FMN1: variants seen among roughly 807,000 people sequenced by gnomAD.
FMN1 encodes the protein formin 1.
Under a neutral mutation model 132.4 loss-of-function variants are expected in FMN1, and 110 were observed. The observed-to-expected ratio is 0.83, with a 90% CI of 0.71 to 0.97. The LOEUF (loss-of-function observed/expected upper bound fraction) is 0.97, where lower values mean the gene tolerates loss of function less well. Ranked by LOEUF, FMN1 falls within the 50% of genes least tolerant of loss-of-function variation. The pLI is 0.00. For missense variants in FMN1, 1,792 were observed against 1,705.3 expected, an observed-to-expected ratio of 1.05 and a Z score of -0.90; for synonymous variants, 722 against 651.7, an observed-to-expected ratio of 1.11 and a Z score of -1.64.
In FMN1 at chr15:33,090,634, TAGAACAA is replaced by T. The variant is rs548797055; in HGVS notation, c.1868-1667_1868-1661del. On this transcript the variant is annotated intron_variant, in intron 4 of 20. Coordinates refer to ENST00000616417, the MANE Select transcript of FMN1 (RefSeq NM_001277313.2). ...CTTCCTTCATCTCGGTCAGATCCCT[TAGAACAA>T]AGTGCCTTTCCACTCAATCCCCTTG... Among the ~76,000 whole-genome samples the T allele has an allele frequency of 4.2e-3, 641 of 152,162 alleles. 3 individuals are homozygous for T. The highest frequency in any genetic ancestry group is 0.015 in the African/African-American group (611 of 41,502).
chr15:32,930,794 C>T (rs149080462), intron 9 of FMN1, among the ~76,000 whole-genome samples: 1,665 of 151,918 alleles, frequency 0.011, 29 homozygotes, highest in African/African-American at 0.039. Context: ...AGGACTTTTC[C>T]CTATTTTTTA....
intron 4 of FMN1, among the ~76,000 whole-genome samples, chr15:33,118,277 TTAA>T (rs1043298340): frequency 1.3e-5 from 2 of 152,198 alleles, no homozygotes; most frequent in African/African-American, 4.8e-5. Flanking sequence ...ATTTGTTATA[TTAA>T]TAACTTTCCT....
intron 3 of FMN1, among the ~76,000 whole-genome samples, chr15:33,168,286 A>C (rs1242274126): frequency 1.3e-5 from 2 of 152,228 alleles, no homozygotes; most frequent in Admixed American, 6.5e-5. Context: ...GGGGGCCTCT[A>C]ATATAAGGAT....
intron 4 of FMN1, among the ~76,000 whole-genome samples, chr15:33,094,279 T>G (rs1326788245): frequency 3.3e-5 from 5 of 152,198 alleles, no homozygotes; most frequent in Non-Finnish European, 7.3e-5. Context: ...CTCACAATTA[T>G]TTTCTTTCAG....
intron 7 of FMN1, among the ~76,000 whole-genome samples, chr15:33,001,572 C>CA (rs2034111611): frequency 8.0e-6 from 1 of 124,552 alleles, no homozygotes; most frequent in South Asian, 3.3e-4. Context: ...CACTTCCCCC[C>CA]CCACCTCCCC....
chr15:32,914,130 G>A (rs2060626883), intron 10 of FMN1, among the ~76,000 whole-genome samples: 1 of 152,034 alleles, frequency 6.6e-6, no homozygotes, highest in South Asian at 2.1e-4. Flanking sequence ...TCAAAGATGA[G>A]TTTTCTCATT....
intron 7 of FMN1, among the ~76,000 whole-genome samples, chr15:32,970,071 T>C (rs1353064173): frequency 6.6e-6 from 1 of 152,148 alleles, no homozygotes; most frequent in Non-Finnish European, 1.5e-5. Context: ...TAGCAATAAA[T>C]AAGGAACAGA....
intron 9 of FMN1, 91 bp downstream of exon 9, chr15:32,964,016 T>TACACACACACACACACACAC (rs374980152): frequency 5.0e-4 from 254 of 508,288 alleles, no homozygotes; most frequent in African/African-American, 4.1e-3. Context: ...GTATATACGA[T>TACACACACACACACACACAC]ACACACACAC....
chr15:33,190,293 TGAG>T (rs1021918385), intron 2 of FMN1, among the ~76,000 whole-genome samples: 2 of 152,212 alleles, frequency 1.3e-5, no homozygotes, highest in Non-Finnish European at 2.9e-5. Context: ...TTAGAGAACA[TGAG>T]ACAGTGCTAC....
Position 32,776,815 on chromosome 15 carries a change from T to C in FMN1, c.4215+20A>G, listed in dbSNP as rs2140869719. The C allele has an allele frequency of 2.7e-6, 4 of 1,464,064 alleles. No homozygotes were observed. Among genetic ancestry groups the C allele is most frequent in the Non-Finnish European group, 2.8e-6 (3 of 1,058,528 alleles). The allele number at this position is 1,464,064 out of a possible 1,614,324, so 90.7% of individuals were successfully genotyped here. ...AATTTTCATGACAATCGTTAGATTATGTTGAAAAATATATCTCACCAGGCT... is the reference window on the plus strand; with the variant it reads ...AATTTTCATGACAATCGTTAGATTACGTTGAAAAATATATCTCACCAGGCT... On this transcript the variant is annotated intron_variant, in intron 20 of 20. Coordinates refer to ENST00000616417, the MANE Select transcript of FMN1 (RefSeq NM_001277313.2).
intron 7 of FMN1, among the ~76,000 whole-genome samples, chr15:32,999,987 G>C (rs914818360): frequency 6.6e-6 from 1 of 152,168 alleles, no homozygotes; most frequent in Non-Finnish European, 1.5e-5. Context: ...CCTTTCCAGA[G>C]CTGCATCCCT....
At chr15:33,007,953 C>A in intron 7 of FMN1, 61 bp downstream of exon 7, 2 of 1,390,432 alleles carry the variant, frequency 1.4e-6, no homozygotes, top group Non-Finnish European at 2.0e-6. Flanking sequence ...TTTACTTCAG[C>A]ATAGGAGAAA....
chr15:33,039,213 G>A (rs914601857), intron 6 of FMN1, among the ~76,000 whole-genome samples: 1 of 152,156 alleles, frequency 6.6e-6, no homozygotes, highest in Non-Finnish European at 1.5e-5. Flanking sequence ...CCTTTATAAA[G>A]GAAGCAAAAC....
rs148897373 is a variant in FMN1, at chr15:32,793,343, G to A, written c.4130+5461C>T. ...TGCCCAGGCTGGAGTGCAGTGGCGC[G>A]ATCTCGGCTCACTGCAACCTTCGCC... is the stretch of plus-strand genomic sequence containing the variant. On this transcript the variant is annotated intron_variant, in intron 19 of 20. Transcript: ENST00000616417. 9.9e-5 allele frequency among the ~76,000 whole-genome samples: 15 copies of A among 151,882 alleles called. No homozygotes were observed. The East Asian group carries it at 2.5e-3, about 25-fold the overall frequency.
At chr15:32,927,293 G>C (rs965352964) in intron 9 of FMN1, among the ~76,000 whole-genome samples, 1 of 152,144 alleles carries the variant, frequency 6.6e-6, no homozygotes, top group Non-Finnish European at 1.5e-5. Flanking sequence ...ATCCAGCGCC[G>C]TCACACAGGC....
At chr15:32,998,441 C>T (rs1162880751) in intron 7 of FMN1, among the ~76,000 whole-genome samples, 1 of 152,198 alleles carries the variant, frequency 6.6e-6, no homozygotes, top group East Asian at 1.9e-4. Flanking sequence ...AATGATAGAA[C>T]TTTGAAGCTA....
chr15:32,877,424 T>TA (rs35006253), intron 16 of FMN1, among the ~76,000 whole-genome samples: 16 of 151,966 alleles, frequency 1.1e-4, no homozygotes, highest in Admixed American at 3.3e-4. Context: ...GTTGACTTTT[T>TA]AAAAAAAAGT....
chr15:32,920,296 C>G (rs945403376), intron 10 of FMN1, among the ~76,000 whole-genome samples: 1 of 152,172 alleles, frequency 6.6e-6, no homozygotes. Context: ...GTCATCCTAT[C>G]TAGCAGATGG....
At chr15:33,003,263 CCT>C (rs551977510) in intron 7 of FMN1, among the ~76,000 whole-genome samples, 28 of 152,248 alleles carry the variant, frequency 1.8e-4, no homozygotes, top group African/African-American at 6.7e-4. Flanking sequence ...TCAAATTGTC[CCT>C]GTTTGCAGAT....
Sources: allele counts gnomAD v4.1 joint callset (sites outside exome capture counted in the v4.1 genomes callset), GRCh38; gene constraint gnomAD v4.1.1; transcripts MANE v1.5; gene names NCBI Gene and HGNC (gene_info 2026-07-23, HGNC 2026-07-21).